The following KIF3C variants were observed in gnomAD, a reference collection of about 807,000 sequenced individuals.
KIF3C encodes kinesin family member 3C.
Under a neutral mutation model 67.7 loss-of-function variants are expected in KIF3C, and 12 were observed. The ratio of observed to expected loss-of-function variants is 0.18; its 90% CI spans 0.11 to 0.29. KIF3C has a LOEUF of 0.29. KIF3C is among the 10% of genes least tolerant of loss of function. The pLI, the probability that KIF3C is intolerant of heterozygous loss-of-function variation, is 1.00. For synonymous variants in KIF3C, 393 were observed against 426.2 expected (o/e 0.92, Z 0.96); for missense variants, 789 against 1,059.6 (o/e 0.74, Z 3.55).
At position 25,928,770 on chromosome 2, in the gene KIF3C, G is replaced by C; in HGVS notation, c.*208C>G. 1 of 529,684 alleles carries C rather than the reference G, an allele frequency of 1.9e-6. No individual in the cohort carries two copies. The highest frequency in any genetic ancestry group is 3.3e-5 in the East Asian group (1 of 30,160). 32.8% of individuals were successfully genotyped at this position (529,684 alleles called of 1,614,324 possible). The stretch of plus-strand genomic sequence containing the variant: ...TCAGGCGAGGGCATCTCCCCAACAC[G>C]AACAGAGCTCCGCGAATAAATAACA... On this transcript the variant is annotated 3_prime_UTR_variant, in exon 8 of 8. Transcript: ENST00000264712.
At position 25,981,773 on chromosome 2, in the gene KIF3C, C is replaced by A. The variant is rs995009659; in HGVS notation, c.145G>T (p.Ala49Ser). Reference protein sequence around the residue: ...LGQVTLRNPRAAPGELPKTFT... With the variant: ...LGQVTLRNPRSAPGELPKTFT... ...GTCTTGGGCAGCTCCCCCGGGGCGG[C>A]GCGGGGGTTCCGCAGGGTCACCTGG... Residue 49 changes from alanine (A) to serine (S), a missense_variant, in exon 1 of 8, where the codon GCC (alanine) becomes TCC (serine). By Grantham distance (99) the Ala-to-Ser change is moderately conservative. This residue lies in a region of KIF3C where 141 missense variants were observed against 251.8 expected (regional missense o/e 0.56). Transcript: ENST00000264712. This position sits in a 1 kb window ranked among gnomAD's most constrained non-coding sequence, Gnocchi z 8.2. The A allele has an allele frequency of 1.9e-6, 3 of 1,613,334 alleles. No homozygotes were observed. In the African/African-American group the frequency reaches 4.0e-5, roughly 22 times the overall value.
chr2:25,979,922 C>A (rs879842699), intron 1 of KIF3C, among the ~76,000 whole-genome samples: 3 of 152,124 alleles, frequency 2.0e-5, no homozygotes, highest in Non-Finnish European at 4.4e-5. Flanking sequence ...ATATATGGGG[C>A]ATTTTTTGAA....
intron 1 of KIF3C, among the ~76,000 whole-genome samples, chr2:25,972,918 C>G (rs1410096715): frequency 2.6e-5 from 4 of 152,050 alleles, no homozygotes; most frequent in Admixed American, 1.3e-4. Flanking sequence ...CTCTTTCTCT[C>G]TTCTCTTCTT....
chr2:25,975,502 T>G (rs1179368030), intron 1 of KIF3C, among the ~76,000 whole-genome samples: 1 of 152,108 alleles, frequency 6.6e-6, no homozygotes, highest in Admixed American at 6.6e-5. Flanking sequence ...CAGCACCTCC[T>G]CAGGAACCAG....
intron 1 of KIF3C, among the ~76,000 whole-genome samples, chr2:25,965,481 C>A (rs1292058344): frequency 6.6e-6 from 1 of 151,928 alleles, no homozygotes; most frequent in Non-Finnish European, 1.5e-5. Flanking sequence ...TGAGCCTTTT[C>A]TTTTCTTTTG....
chr2:25,958,700 G>A lies in KIF3C; in HGVS notation c.1546-2256C>T, dbSNP rs185563928. ...AAGGTCAGCTGCAGTGACAGGCCCCGGGAGCTGGCCTGGCCTCCCGGTTCC... is the reference window on the plus strand; with the variant it reads ...AAGGTCAGCTGCAGTGACAGGCCCCAGGAGCTGGCCTGGCCTCCCGGTTCC... On this transcript the variant is annotated intron_variant, in intron 1 of 7. Transcript: ENST00000264712. The surrounding 1 kb of genome is among the most constrained non-coding windows in gnomAD (Gnocchi z 4.5). 2.6e-4 allele frequency among the ~76,000 whole-genome samples: 39 copies of A among 152,308 alleles called. No individual in the cohort carries two copies. Among genetic ancestry groups the A allele is most frequent in the African/African-American group, 8.7e-4 (36 of 41,580 alleles).
chr2:25,936,379 A>T (rs113900483), intron 5 of KIF3C, among the ~76,000 whole-genome samples: 1 of 152,116 alleles, frequency 6.6e-6, no homozygotes, highest in Admixed American at 6.6e-5. Context: ...CTGCTTAGGA[A>T]AAAGTCTAGA....
At chr2:25,953,988 T>C (rs377292568) in intron 4 of KIF3C, 7 of 345,528 alleles carry the variant, frequency 2.0e-5, no homozygotes, top group African/African-American at 1.1e-4. Context: ...TTTTAAAAAA[T>C]TTAAAATCAC....
At position 25,927,726 on chromosome 2, in the gene KIF3C, T is replaced by G. The variant is rs2090423575; in HGVS notation, c.*1252A>C. 6.6e-6 allele frequency: 1 copy of G among 152,204 alleles called. No homozygotes were observed. The highest frequency in any genetic ancestry group is 6.6e-5 in the Admixed American group (1 of 15,244). The allele number at this position is 152,204 out of a possible 1,614,324, so 9.4% of individuals were successfully genotyped here. ...ACTCGCTTGCTTTCGTTATGACCTCTTCACCCGTCCTCCAAAATATACACT... is the reference window on the plus strand; with the variant it reads ...ACTCGCTTGCTTTCGTTATGACCTCGTCACCCGTCCTCCAAAATATACACT... On this transcript the variant is annotated 3_prime_UTR_variant, in exon 8 of 8. Coordinates refer to ENST00000264712, the MANE Select transcript of KIF3C (RefSeq NM_002254.8).
chr2:25,962,674 G>A (rs565206222), intron 1 of KIF3C, among the ~76,000 whole-genome samples: 37 of 141,926 alleles, frequency 2.6e-4, no homozygotes, highest in African/African-American at 9.7e-4. Context: ...ACTGTGCCTG[G>A]CCCTTTTTTC....
rs976472611 is a variant in KIF3C at position 25,982,006 on chromosome 2, G to C, written c.-89C>G. The C allele has an allele frequency of 9.1e-7, 1 of 1,103,474 alleles. No homozygotes were observed. Among genetic ancestry groups the C allele is most frequent in the Non-Finnish European group, 1.3e-6 (1 of 792,048 alleles). 68.4% of individuals were successfully genotyped at this position (1,103,474 alleles called of 1,614,324 possible). A position where few individuals can be genotyped will look rare whatever the true frequency, so the allele number is the denominator to read the frequency against. The stretch of plus-strand genomic sequence containing the variant: ...TCGCTAGGTCGGGATCAGCGGGGCC[G>C]GCCCAGCCCCCAGGCGCAGCTCTTC... On this transcript the variant is annotated 5_prime_UTR_variant, in exon 1 of 8. Transcript: ENST00000264712.
chr2:25,943,072 C>T (rs1055806601), intron 5 of KIF3C, among the ~76,000 whole-genome samples: 1 of 152,146 alleles, frequency 6.6e-6, no homozygotes, highest in Non-Finnish European at 1.5e-5. Context: ...CCCCAGAATA[C>T]CACAGGCCGA....
chr2:25,975,935 G>A (rs1474129457), intron 1 of KIF3C, among the ~76,000 whole-genome samples: 1 of 152,106 alleles, frequency 6.6e-6, no homozygotes, highest in East Asian at 1.9e-4. Flanking sequence ...TCCAGCCTGG[G>A]CGACAGAGTG....
chr2:25,948,292 T>C (rs1193310785), intron 5 of KIF3C, among the ~76,000 whole-genome samples: 3 of 152,094 alleles, frequency 2.0e-5, no homozygotes, highest in East Asian at 3.9e-4. Flanking sequence ...GGGTGGCTCA[T>C]GCCTGTGATC....
At chr2:25,978,048 T>G (rs1311160651) in intron 1 of KIF3C, among the ~76,000 whole-genome samples, 1 of 152,182 alleles carries the variant, frequency 6.6e-6, no homozygotes, top group Non-Finnish European at 1.5e-5. Flanking sequence ...AAGGTCAGGC[T>G]TCTCCTCCTC....
Position 25,955,677 on chromosome 2 carries a change from G to A in KIF3C, c.1648-14C>T, listed in dbSNP as rs199686890. ...CTCACGACGTTTCTAGGCCAAGGACGGGCAGTGTGGCTCAAAGGAGCAGTG... is the reference window on the plus strand; with the variant it reads ...CTCACGACGTTTCTAGGCCAAGGACAGGCAGTGTGGCTCAAAGGAGCAGTG... On this transcript the variant is annotated splice_polypyrimidine_tract_variant and intron_variant, in intron 2 of 7. Coordinates refer to ENST00000264712, the MANE Select transcript of KIF3C (RefSeq NM_002254.8). The surrounding 1 kb of genome is among the most constrained non-coding windows in gnomAD (Gnocchi z 5.0). The A allele has an allele frequency of 2.6e-5, 42 of 1,613,766 alleles. No individual in the cohort carries two copies. In the African/African-American group the frequency reaches 4.4e-4, roughly 17 times the overall value.
chr2:25,934,319 C>T (rs972217522), intron 5 of KIF3C, among the ~76,000 whole-genome samples: 6 of 152,090 alleles, frequency 3.9e-5, no homozygotes, highest in Non-Finnish European at 2.9e-5. Flanking sequence ...TGGCTCATGC[C>T]TATAAACCCA....
rs1425986032 is a variant in KIF3C at position 25,958,637 on chromosome 2, C to T, written c.1546-2193G>A. 6.6e-6 allele frequency among the ~76,000 whole-genome samples: 1 copy of T among 152,158 alleles called. No homozygotes were observed. Among genetic ancestry groups the T allele is most frequent in the Non-Finnish European group, 1.5e-5 (1 of 68,022 alleles). On this transcript the variant is annotated intron_variant, in intron 1 of 7. Transcript: ENST00000264712. The surrounding 1 kb of genome is among the most constrained non-coding windows in gnomAD (Gnocchi z 4.5). ...TGAATGCTTGCTCCTTGGCTTCAAA[C>T]TACTGAATGGACCTCCATTCCTTAC...
chr2:25,971,076 T>G (rs975925348), intron 1 of KIF3C, among the ~76,000 whole-genome samples: 4 of 148,348 alleles, frequency 2.7e-5, no homozygotes, highest in Admixed American at 6.7e-5. Flanking sequence ...ATGGAGACCA[T>G]CCTGGCTAAC....
Sources: allele counts gnomAD v4.1 joint callset (sites outside exome capture counted in the v4.1 genomes callset), GRCh38; gene constraint gnomAD v4.1.1; regional missense constraint gnomAD v4.1.1; non-coding constraint Gnocchi (gnomAD v3.1); transcripts MANE v1.5; gene names NCBI Gene and HGNC (gene_info 2026-07-23, HGNC 2026-07-21).